ARHGAP32: variants seen among roughly 807,000 people sequenced by gnomAD.
The protein encoded by ARHGAP32 is Rho GTPase activating protein 32.
ARHGAP32 carries 51 observed loss-of-function variants against 186.5 expected under a neutral mutation model. The observed-to-expected ratio is 0.27, with a 90% CI of 0.22 to 0.35. The LOEUF (loss-of-function observed/expected upper bound fraction) is 0.35, where lower values mean the gene tolerates loss of function less well. Ranked by LOEUF, ARHGAP32 falls within the 10% of genes least tolerant of loss-of-function variation. ARHGAP32 has a pLI of 1.00. For synonymous variants in ARHGAP32, 950 were observed against 964.3 expected (o/e 0.99, Z 0.27); for missense variants, 2,186 against 2,623.5 (o/e 0.83, Z 3.64).
chr11:128,981,450 G>T lies in ARHGAP32; in HGVS notation c.1746C>A (p.Ser582Arg). The change falls in exon 17 of 23, where the codon AGC (serine) becomes AGA (arginine). Residue 582 changes from serine to arginine, a missense_variant. Physicochemically the swap from Ser to Arg is moderately radical, Grantham distance 110. Around this residue, in one of 5 missense-constraint regions of ARHGAP32, gnomAD observed 263 missense variants for 323.5 expected, o/e 0.81. Transcript: ENST00000682385. ...FILNHVDVLF[S>R]GRISMAMQEG... ...CTTGCATGGCCATGCTGATTCTGCC[G>T]CTGAACAGCACATCAACGTGATTCA... is the stretch of plus-strand genomic sequence containing the variant. 6.2e-7 allele frequency: 1 copy of T among 1,612,108 alleles called. No homozygotes were observed. Among genetic ancestry groups the T allele is most frequent in the African/African-American group, 1.3e-5 (1 of 74,994 alleles).
chr11:129,207,508 CAT>C (rs1490553973), intron 1 of ARHGAP32, among the ~76,000 whole-genome samples: 1 of 152,022 alleles, frequency 6.6e-6, no homozygotes, highest in African/African-American at 2.4e-5. Context: ...AGCTTTTTTT[CAT>C]ATGTTTGTTG....
chr11:129,052,606 CTTT>C (rs1034092057), intron 10 of ARHGAP32, among the ~76,000 whole-genome samples: 29 of 146,136 alleles, frequency 2.0e-4, no homozygotes, highest in Non-Finnish European at 3.0e-4. Context: ...TCTTTCACAT[CTTT>C]TTTTTTTTCA....
At chr11:128,997,643 C>T (rs752852973) in intron 12 of ARHGAP32, among the ~76,000 whole-genome samples, 5 of 151,976 alleles carry the variant, frequency 3.3e-5, no homozygotes, top group Non-Finnish European at 7.4e-5. Flanking sequence ...CCTATCCATC[C>T]CCCCATCCAA....
At chr11:129,148,501 T>C (rs1943218634) in intron 2 of ARHGAP32, among the ~76,000 whole-genome samples, 1 of 152,132 alleles carries the variant, frequency 6.6e-6, no homozygotes, top group African/African-American at 2.4e-5. Flanking sequence ...CATCCCCAAC[T>C]ATACCTCACA....
At chr11:129,001,510 T>C (rs1279650652) in intron 11 of ARHGAP32, among the ~76,000 whole-genome samples, 2 of 152,228 alleles carry the variant, frequency 1.3e-5, no homozygotes, top group African/African-American at 4.8e-5. Flanking sequence ...TTCCAGTTAT[T>C]CATCCTTTGT....
intron 6 of ARHGAP32, among the ~76,000 whole-genome samples, chr11:129,089,796 C>T (rs1941522296): frequency 6.6e-6 from 1 of 152,140 alleles, no homozygotes; most frequent in Admixed American, 6.5e-5. Flanking sequence ...AGAGATCATG[C>T]TTGAGCTAGC....
intron 13 of ARHGAP32, among the ~76,000 whole-genome samples, chr11:128,986,941 C>T (rs1250208798): frequency 6.6e-6 from 1 of 152,114 alleles, no homozygotes; most frequent in Non-Finnish European, 1.5e-5. Flanking sequence ...GAATGAACAG[C>T]TCTTATAGTA....
At chr11:129,176,767 T>C (rs1223389832) in intron 1 of ARHGAP32, among the ~76,000 whole-genome samples, 9 of 150,324 alleles carry the variant, frequency 6.0e-5, no homozygotes, top group Non-Finnish European at 1.3e-4. Flanking sequence ...TACCAGAATC[T>C]CTGGGACGCA....
chr11:129,223,424 G>A (rs74535287), intron 1 of ARHGAP32, among the ~76,000 whole-genome samples: 5,657 of 152,266 alleles, frequency 0.037, 139 homozygotes, highest in Non-Finnish European at 0.053. Context: ...ATGACTGAGT[G>A]CTGCAGCACA....
At chr11:129,193,703 A>ATATATATTATATATTATATATTATATAT (rs60437245), upstream of ARHGAP32, among the ~76,000 whole-genome samples, 69 of 48,366 alleles carry the variant, frequency 1.4e-3, no homozygotes, top group African/African-American at 2.1e-3. Context: ...ATAATATATA[A>ATATATATTATATATTATATATTATATAT]TATATATTAT....
intron 10 of ARHGAP32, among the ~76,000 whole-genome samples, chr11:129,042,871 G>A (rs1333739605): frequency 6.6e-6 from 1 of 152,156 alleles, no homozygotes; most frequent in African/African-American, 2.4e-5. Flanking sequence ...GACTTGGGGG[G>A]ATGAAGAAGT....
intron 1 of ARHGAP32, among the ~76,000 whole-genome samples, chr11:129,204,086 C>A (rs1271638014): frequency 1.3e-5 from 2 of 149,294 alleles, no homozygotes; most frequent in African/African-American, 2.4e-5. Context: ...AGTAATATTT[C>A]CTGAGTTAAA....
intron 1 of ARHGAP32, among the ~76,000 whole-genome samples, chr11:129,269,321 T>C (rs1305004481): frequency 6.6e-6 from 1 of 151,428 alleles, no homozygotes; most frequent in Admixed American, 6.6e-5. Flanking sequence ...AATAAATGAA[T>C]ATGAAGAAGA....
At chr11:129,251,955 T>C (rs545144630) in intron 1 of ARHGAP32, among the ~76,000 whole-genome samples, 44 of 148,590 alleles carry the variant, frequency 3.0e-4, no homozygotes, top group Admixed American at 2.2e-3. Context: ...AAAAGTACCA[T>C]TACCACAAAT....
intron 5 of ARHGAP32, among the ~76,000 whole-genome samples, chr11:129,119,401 T>C (rs1025992998): frequency 3.3e-5 from 5 of 152,072 alleles, no homozygotes; most frequent in African/African-American, 9.7e-5. Flanking sequence ...ATAAGGAATA[T>C]ATATTCTTAT....
Position 128,969,357 on chromosome 11 carries a change from G to A in ARHGAP32, c.5856C>T (p.Asn1952=). The A allele has an allele frequency of 6.2e-7, 1 of 1,614,214 alleles. No homozygotes were observed. The part of the protein sequence containing the change: ...AASGQESLRL[N]HKEVRLSKEM... Reference sequence around the variant, plus strand: ...CTTTGGAGAGCCTTACCTCTTTGTGGTTCAGTCTTAAAGATTCTTGCCCGG... The same window carrying A: ...CTTTGGAGAGCCTTACCTCTTTGTGATTCAGTCTTAAAGATTCTTGCCCGG... The change falls in exon 23 of 23, where the codon AAC becomes AAT. Residue 1952 remains asparagine, a synonymous_variant. Transcript: ENST00000682385. This position sits in a 1 kb window ranked among gnomAD's most constrained non-coding sequence, Gnocchi z 4.8.
At chr11:129,182,710 C>T (rs1272398205) in intron 1 of ARHGAP32, among the ~76,000 whole-genome samples, 2 of 150,508 alleles carry the variant, frequency 1.3e-5, no homozygotes, top group Non-Finnish European at 2.9e-5. Flanking sequence ...GTGGTGTAAT[C>T]GTAGCTTACT....
At chr11:129,002,969 C>T (rs774186914) in intron 11 of ARHGAP32, among the ~76,000 whole-genome samples, 25 of 150,804 alleles carry the variant, frequency 1.7e-4, no homozygotes, top group East Asian at 9.7e-4. Context: ...CCACTACGCC[C>T]GGCTAACTTT....
chr11:129,180,383 T>C (rs1424351102), intron 1 of ARHGAP32, among the ~76,000 whole-genome samples: 1 of 152,248 alleles, frequency 6.6e-6, no homozygotes, highest in East Asian at 1.9e-4. Flanking sequence ...GTTTTGTGTG[T>C]GCTAGAAATA....
Sources: gnomAD v4.1 joint callset for allele counts (sites outside exome capture counted in the v4.1 genomes callset) on GRCh38, gnomAD v4.1.1 for gene constraint, gnomAD v4.1.1 regional missense constraint, Gnocchi (gnomAD v3.1) non-coding constraint, MANE v1.5 for transcripts, NCBI Gene and HGNC (gene_info 2026-07-23, HGNC 2026-07-21) for gene names.